Variants in PARD3 observed in about 807,000 individuals in gnomAD.
The protein encoded by PARD3 is partitioning defective 3 homolog.
In PARD3, 75 loss-of-function variants were observed where a neutral mutation model predicts 155.4. The observed-to-expected ratio is 0.48, with a 90% confidence interval of 0.40 to 0.58. The LOEUF (loss-of-function observed/expected upper bound fraction) is 0.58, where lower values mean the gene tolerates loss of function less well. PARD3 is among the 20% of genes least tolerant of loss of function. PARD3 has a pLI of 0.00. For missense variants in PARD3, 1,642 were observed against 1,721.7 expected, an observed-to-expected ratio of 0.95 and a Z score of 0.82; for synonymous variants, 576 against 610.5, an observed-to-expected ratio of 0.94 and a Z score of 0.83.
intron 2 of PARD3, among the ~76,000 whole-genome samples, chr10:34,633,785 A>T (rs898275126): frequency 6.6e-6 from 1 of 152,198 alleles, no homozygotes; most frequent in African/African-American, 2.4e-5. Context: ...ATTAATTTAC[A>T]TTCCCACCAA....
At chr10:34,674,349 A>G (rs2133272955) in intron 2 of PARD3, among the ~76,000 whole-genome samples, 1 of 152,282 alleles carries the variant, frequency 6.6e-6, no homozygotes, top group East Asian at 1.9e-4. Context: ...ACATGACTGT[A>G]GAACTGCCCC....
chr10:34,326,367 G>T (rs571567824), intron 19 of PARD3, among the ~76,000 whole-genome samples: 1 of 146,648 alleles, frequency 6.8e-6, no homozygotes. Flanking sequence ...TGCATAAAAT[G>T]ATGTGATAGG....
At chr10:34,813,291 AGTGCATATTACTT>A (rs747192458) in intron 1 of PARD3, among the ~76,000 whole-genome samples, 46,368 of 152,014 alleles carry the variant, frequency 0.31, 7,495 homozygotes, top group African/African-American at 0.42. Flanking sequence ...CGTACTGCAG[AGTGCATATTACTT>A]TATTTCTCTT....
intron 22 of PARD3, among the ~76,000 whole-genome samples, chr10:34,182,164 G>A (rs2133202870): frequency 6.6e-6 from 1 of 152,278 alleles, no homozygotes; most frequent in Non-Finnish European, 1.5e-5. Context: ...CCGAGCGCTG[G>A]ATTGATGGTC....
chr10:34,381,549 T>C (rs1841825919), intron 9 of PARD3, among the ~76,000 whole-genome samples: 2 of 152,100 alleles, frequency 1.3e-5, no homozygotes, highest in South Asian at 2.1e-4. Context: ...AGAGATCCAC[T>C]GTATACAGGA....
chr10:34,541,307 AC>A (rs1165438097), intron 2 of PARD3, among the ~76,000 whole-genome samples: 1 of 152,248 alleles, frequency 6.6e-6, no homozygotes, highest in Non-Finnish European at 1.5e-5. Context: ...GTGCTTAAGA[AC>A]TGAGAACTAT....
intron 7 of PARD3, among the ~76,000 whole-genome samples, chr10:34,388,613 T>C (rs573203295): frequency 3.9e-5 from 6 of 152,214 alleles, no homozygotes; most frequent in Non-Finnish European, 7.3e-5. Flanking sequence ...CAACTGCCTA[T>C]GGTATGGCTG....
intron 2 of PARD3, among the ~76,000 whole-genome samples, chr10:34,550,432 G>T (rs112674481): frequency 0.014 from 2,184 of 152,108 alleles, 50 homozygotes; most frequent in African/African-American, 0.049. Flanking sequence ...GGCTGGTCTC[G>T]AACTCCTAAG....
intron 5 of PARD3, among the ~76,000 whole-genome samples, chr10:34,406,923 C>G (rs1192776684): frequency 2.0e-5 from 3 of 151,952 alleles, no homozygotes; most frequent in East Asian, 1.9e-4. Context: ...TGGCTATTGA[C>G]TGAAATTAGA....
intron 1 of PARD3, among the ~76,000 whole-genome samples, chr10:34,713,199 G>A (rs980219358): frequency 4.0e-5 from 6 of 150,670 alleles, no homozygotes; most frequent in Non-Finnish European, 7.4e-5. Context: ...GTGACAGAGT[G>A]AGACTCCATC....
At chr10:34,387,358 G>C (rs1436874433) in intron 7 of PARD3, among the ~76,000 whole-genome samples, 1 of 152,024 alleles carries the variant, frequency 6.6e-6, no homozygotes, top group Non-Finnish European at 1.5e-5. Flanking sequence ...AAACTATCTT[G>C]GATACATCCT....
chr10:34,293,138 C>T (rs1055072477), intron 20 of PARD3, among the ~76,000 whole-genome samples: 7 of 152,092 alleles, frequency 4.6e-5, no homozygotes, highest in Non-Finnish European at 1.0e-4. Flanking sequence ...CTTCAAAACA[C>T]AAGATAAATA....
chr10:34,196,070 A>C lies in PARD3; in HGVS notation c.3420-64487T>G, dbSNP rs115859738. Among the ~76,000 whole-genome samples the C allele has an allele frequency of 5.4e-3, 829 of 152,328 alleles. 8 individuals are homozygous for C. Among genetic ancestry groups the C allele is most frequent in the African/African-American group, 0.019 (779 of 41,578 alleles). On this transcript the variant is annotated intron_variant, in intron 22 of 24. Transcript: ENST00000374788. ...AACTTACTTCACCCTTTCTTAGCCC[A>C]ATTATTCATACTTCTGCCACTTAAT...
At chr10:34,393,883 G>A (rs528305304) in intron 7 of PARD3, among the ~76,000 whole-genome samples, 2 of 149,150 alleles carry the variant, frequency 1.3e-5, no homozygotes, top group Admixed American at 1.3e-4. Flanking sequence ...TGTCACCTGG[G>A]CTAGAGTGCA....
At chr10:34,756,023 C>T (rs1450560493) in intron 1 of PARD3, among the ~76,000 whole-genome samples, 2 of 152,044 alleles carry the variant, frequency 1.3e-5, no homozygotes, top group Middle Eastern at 3.4e-3. Flanking sequence ...ACCAAACTTA[C>T]AATAAGTTGT....
At chr10:34,752,333 T>G (rs1323223642) in intron 1 of PARD3, among the ~76,000 whole-genome samples, 3 of 152,126 alleles carry the variant, frequency 2.0e-5, no homozygotes, top group Non-Finnish European at 2.9e-5. Context: ...AGGCTATCTC[T>G]GTCCCATCCC....
chr10:34,429,395 T>C (rs2075784214), intron 5 of PARD3, among the ~76,000 whole-genome samples: 1 of 151,956 alleles, frequency 6.6e-6, no homozygotes, highest in African/African-American at 2.4e-5. Context: ...AAATCTTTTT[T>C]TTTTTTTTCC....
chr10:34,752,493 A>G (rs888218076), intron 1 of PARD3, among the ~76,000 whole-genome samples: 2 of 151,966 alleles, frequency 1.3e-5, no homozygotes, highest in Non-Finnish European at 2.9e-5. Flanking sequence ...TAAGACATGT[A>G]AATGCTCCTG....
chr10:34,381,934 AAAAAAAAG>A (rs1841893911), intron 9 of PARD3, among the ~76,000 whole-genome samples: 3 of 145,080 alleles, frequency 2.1e-5, no homozygotes, highest in African/African-American at 7.8e-5. Flanking sequence ...AAAAAAAAAA[AAAAAAAAG>A]AAAGAAAAAG....
Sources: gnomAD v4.1 joint callset for allele counts (sites outside exome capture counted in the v4.1 genomes callset) on GRCh38, gnomAD v4.1.1 for gene constraint, MANE v1.5 for transcripts, NCBI Gene and HGNC (gene_info 2026-07-23, HGNC 2026-07-21) for gene names.